The following MATN2 variants were observed in gnomAD, a reference collection of about 807,000 sequenced individuals.
MATN2 encodes the protein matrilin 2.
Under a neutral mutation model 103.2 loss-of-function variants are expected in MATN2, and 69 were observed. The observed-to-expected ratio is 0.67, with a 90% CI of 0.55 to 0.82. The LOEUF (loss-of-function observed/expected upper bound fraction) is 0.82. MATN2 is among the 40% of genes least tolerant of loss of function. The probability of loss-of-function intolerance (pLI) is 0.00; values close to 1 mark genes in which losing one functional copy is unlikely to be tolerated. For missense variants in MATN2, 1,023 were observed against 1,211.5 expected (o/e 0.84, Z 2.31); for synonymous variants, 429 against 450.2 (o/e 0.95, Z 0.60).
intron 2 of MATN2, among the ~76,000 whole-genome samples, chr8:97,896,669 C>G: frequency 6.6e-6 from 1 of 150,726 alleles, no homozygotes; most frequent in East Asian, 1.9e-4. Flanking sequence ...GGTAACACAG[C>G]AGGGCTGGGC....
chr8:98,027,769 T>C lies in MATN2; in HGVS notation c.2296T>C (p.Phe766Leu). The C allele has an allele frequency of 6.2e-7, 1 of 1,607,106 alleles. No individual in the cohort carries two copies. The highest frequency in any genetic ancestry group is 8.5e-7 in the Non-Finnish European group (1 of 1,177,570). The change falls in exon 14 of 19, where the codon TTC (phenylalanine) becomes CTC (leucine). Residue 766 changes from phenylalanine (F) to leucine (L), a missense_variant. Coordinates refer to ENST00000254898, the MANE Select transcript of MATN2 (RefSeq NM_002380.5). ...STRVPRAAIV[F>L]TDGRAQDDVS... ...AAGGGTGCCCAGAGCAGCCATTGTG[T>C]TCACCGACGGACGGGCTCAGGATGA...
At chr8:97,998,462 C>A (rs1812671172) in intron 7 of MATN2, among the ~76,000 whole-genome samples, 1 of 143,178 alleles carries the variant, frequency 7.0e-6, no homozygotes, top group Non-Finnish European at 1.5e-5. Flanking sequence ...GCGGAGCTTG[C>A]AGTGAGCCGA....
chr8:97,947,464 T>G (rs1416550946), intron 4 of MATN2, among the ~76,000 whole-genome samples: 2 of 152,252 alleles, frequency 1.3e-5, no homozygotes, highest in Admixed American at 1.3e-4. Flanking sequence ...TCATTGTATT[T>G]CTGTACACTG....
intron 4 of MATN2, among the ~76,000 whole-genome samples, chr8:97,957,197 G>A (rs568955413): frequency 6.6e-6 from 1 of 152,204 alleles, no homozygotes; most frequent in Non-Finnish European, 1.5e-5. Context: ...CCATTCATGG[G>A]GGTCACCAGG....
chr8:98,033,896 C>A (rs914453817), intron 18 of MATN2: 13 of 519,370 alleles, frequency 2.5e-5, no homozygotes, highest in Non-Finnish European at 4.2e-5. Context: ...TTCTCGGGGG[C>A]TTAGCAATAA....
At chr8:97,916,578 T>C (rs574679412) in intron 2 of MATN2, among the ~76,000 whole-genome samples, 1 of 152,294 alleles carries the variant, frequency 6.6e-6, no homozygotes, top group African/African-American at 2.4e-5. Flanking sequence ...TTCCCCTCTA[T>C]GTGTCCGTGT....
In MATN2 at chr8:97,999,511, G is replaced by A. The variant is rs1381684215; in HGVS notation, c.1205-4150G>A. ...GGCCCTTCCTGTTCTGTGTTTGTCTGTCTGTCTGTGACTGGTGTTTTATTG... is the reference window on the plus strand; with the variant it reads ...GGCCCTTCCTGTTCTGTGTTTGTCTATCTGTCTGTGACTGGTGTTTTATTG... On this transcript the variant is annotated intron_variant, in intron 7 of 18. Coordinates refer to ENST00000254898, the MANE Select transcript of MATN2 (RefSeq NM_002380.5). 2.0e-5 allele frequency among the ~76,000 whole-genome samples: 3 copies of A among 152,166 alleles called. No homozygotes were observed. The East Asian group carries it at 5.8e-4, about 29-fold the overall frequency.
intron 1 of MATN2, among the ~76,000 whole-genome samples, chr8:97,879,709 G>T (rs1476907827): frequency 6.6e-6 from 1 of 152,240 alleles, no homozygotes; most frequent in African/African-American, 2.4e-5. Context: ...GCATGACCAT[G>T]AAAGGATTTG....
chr8:97,953,782 C>T (rs989338696), intron 4 of MATN2, among the ~76,000 whole-genome samples: 6 of 125,184 alleles, frequency 4.8e-5, no homozygotes, highest in African/African-American at 1.9e-4. Flanking sequence ...AAGAGTAAAT[C>T]TCCATCTCAC....
At position 97,898,452 on chromosome 8, in the gene MATN2, C is replaced by G. The variant is rs367938947; in HGVS notation, c.142+10210C>G. The stretch of plus-strand genomic sequence containing the variant: ...GTCTACTAAAAATACAAAAAATTAG[C>G]CAGGTGTGGTGGTGGGCACCTGTAA... On this transcript the variant is annotated intron_variant, in intron 2 of 18. Transcript: ENST00000254898. Among the ~76,000 whole-genome samples the G allele has an allele frequency of 7.2e-5, 11 of 152,068 alleles. No individual in the cohort carries two copies. In the East Asian group the frequency reaches 1.7e-3, roughly 24 times the overall value.
chr8:97,992,059 T>C (rs1195620759), intron 6 of MATN2, among the ~76,000 whole-genome samples: 1 of 152,208 alleles, frequency 6.6e-6, no homozygotes, highest in African/African-American at 2.4e-5. Context: ...AGAATATGGA[T>C]GGTAGATTAA....
chr8:97,966,530 C>T (rs963185828), intron 5 of MATN2, among the ~76,000 whole-genome samples: 7 of 150,954 alleles, frequency 4.6e-5, no homozygotes, highest in Admixed American at 1.3e-4. Context: ...AGTGCCGCTG[C>T]ACTCTAGCCT....
rs1304452394 is a variant in MATN2 at position 97,988,172 on chromosome 8, AT to A, written c.1082-6307del. On this transcript the variant is annotated intron_variant, in intron 6 of 18. Transcript: ENST00000254898. ...TCCACCAAAAAAAAAAAAAAAAAAA[AT>A]ATATATATATATATATACACACACA... 4.1e-3 allele frequency among the ~76,000 whole-genome samples: 214 copies of A among 52,044 alleles called. 4 individuals carry two copies. Among genetic ancestry groups the A allele is most frequent in the East Asian group, 0.026 (71 of 2,758 alleles). The allele number at this position is 52,044 out of a possible 152,430, so 34.1% of individuals were successfully genotyped here. A position where few individuals can be genotyped will look rare whatever the true frequency, so the allele number is the denominator to read the frequency against.
intron 5 of MATN2, among the ~76,000 whole-genome samples, chr8:97,972,501 T>A (rs910420567): frequency 6.6e-6 from 1 of 152,208 alleles, no homozygotes; most frequent in Admixed American, 6.5e-5. Context: ...TTCTACCATT[T>A]CTCTAAATGA....
chr8:97,992,745 CAAAAA>C (rs58985201), intron 6 of MATN2, among the ~76,000 whole-genome samples: 13 of 49,594 alleles, frequency 2.6e-4, no homozygotes, highest in African/African-American at 9.1e-4. Context: ...GACTCCATCT[CAAAAA>C]AAAAAAAAAA....
chr8:97,986,697 A>G (rs1001849628), intron 6 of MATN2, among the ~76,000 whole-genome samples: 3 of 152,186 alleles, frequency 2.0e-5, no homozygotes, highest in Non-Finnish European at 2.9e-5. Flanking sequence ...AGGCATTGGG[A>G]CTGGTTCCAT....
intron 6 of MATN2, among the ~76,000 whole-genome samples, chr8:97,985,142 T>C (rs1812150540): frequency 1.3e-5 from 2 of 152,144 alleles, no homozygotes; most frequent in Admixed American, 6.5e-5. Context: ...GGGCATCTAG[T>C]GAAAGCCTAA....
intron 10 of MATN2, among the ~76,000 whole-genome samples, chr8:98,008,501 A>C (rs1241068726): frequency 1.3e-5 from 2 of 152,162 alleles, no homozygotes; most frequent in East Asian, 1.9e-4. Flanking sequence ...TCATCTATTC[A>C]TCTAGGCAGA....
chr8:97,981,308 A>G (rs1359325649), intron 6 of MATN2, among the ~76,000 whole-genome samples: 1 of 151,670 alleles, frequency 6.6e-6, no homozygotes, highest in Non-Finnish European at 1.5e-5. Flanking sequence ...GTGCAATCCT[A>G]GCTCATTGCA....
Sources: gnomAD v4.1 joint callset for allele counts (sites outside exome capture counted in the v4.1 genomes callset) on GRCh38, gnomAD v4.1.1 for gene constraint, MANE v1.5 for transcripts, NCBI Gene and HGNC (gene_info 2026-07-23, HGNC 2026-07-21) for gene names.